GRID2: variants seen among roughly 807,000 people sequenced by gnomAD.
The protein encoded by GRID2 is glutamate ionotropic receptor delta type subunit 2.
GRID2 carries 33 observed loss-of-function variants against 114.8 expected under a neutral mutation model. The ratio of observed to expected loss-of-function variants is 0.29; its 90% confidence interval spans 0.22 to 0.38. The LOEUF (loss-of-function observed/expected upper bound fraction) is 0.38. Ranked by LOEUF, GRID2 falls within the 10% of genes least tolerant of loss-of-function variation. The probability of loss-of-function intolerance (pLI) is 1.00; values close to 1 mark genes in which losing one functional copy is unlikely to be tolerated. For missense variants in GRID2, 1,184 were observed against 1,257.7 expected (o/e 0.94, Z 0.89); for synonymous variants, 505 against 449.9 (o/e 1.12, Z -1.55).
At chr4:92,508,930 T>C (rs1724108386) in intron 1 of GRID2, among the ~76,000 whole-genome samples, 1 of 151,728 alleles carries the variant, frequency 6.6e-6, no homozygotes, top group Non-Finnish European at 1.5e-5. Context: ...CCAGGATCCA[T>C]TTTGAAGATG....
intron 14 of GRID2, among the ~76,000 whole-genome samples, chr4:93,713,040 AAG>A (rs1173701330): frequency 6.6e-6 from 1 of 151,758 alleles, no homozygotes; most frequent in Non-Finnish European, 1.5e-5. Context: ...TCCTGAATAT[AAG>A]AGTTTTTTGT....
chr4:92,565,841 G>A (rs1378816877), intron 1 of GRID2, among the ~76,000 whole-genome samples: 1 of 151,994 alleles, frequency 6.6e-6, no homozygotes, highest in Admixed American at 6.6e-5. Flanking sequence ...GTATTGGTTT[G>A]TTATTGCTGT....
At position 93,023,604 on chromosome 4, in the gene GRID2, T is replaced by C. The variant is rs1037701347; in HGVS notation, c.245-61391T>C. Reference sequence around the variant, plus strand: ...GCAATACCTGAAATGAACTATAATATTTTACAGATTATAGTGAAGCTTAAA... The same window carrying C: ...GCAATACCTGAAATGAACTATAATACTTTACAGATTATAGTGAAGCTTAAA... On this transcript the variant is annotated intron_variant, in intron 2 of 15. Transcript: ENST00000282020. Among the ~76,000 whole-genome samples the C allele has an allele frequency of 1.5e-4, 23 of 152,044 alleles. No homozygotes were observed. The Middle Eastern group carries it at 0.014, about 90-fold the overall frequency.
intron 1 of GRID2, among the ~76,000 whole-genome samples, chr4:92,376,792 G>A (rs1729377153): frequency 6.6e-6 from 1 of 152,162 alleles, no homozygotes; most frequent in African/African-American, 2.4e-5. Flanking sequence ...GCCAACGCTT[G>A]GGGCTTGCAC....
chr4:93,249,501 C>G (rs1233252692), intron 8 of GRID2, among the ~76,000 whole-genome samples: 2 of 152,086 alleles, frequency 1.3e-5, no homozygotes, highest in East Asian at 3.9e-4. Context: ...TATTCCTATC[C>G]ATGAGCATGG....
At chr4:93,784,088 A>AAAAAAAAAC (rs1734541793) in intron 1 of GRID2, among the ~76,000 whole-genome samples, 1 of 150,100 alleles carries the variant, frequency 6.7e-6, no homozygotes, top group African/African-American at 2.4e-5. Flanking sequence ...AAAAAAAAAA[A>AAAAAAAAAC]AAAAAAAAAA....
intron 13 of GRID2, among the ~76,000 whole-genome samples, chr4:93,601,831 G>A (rs548721698): frequency 3.3e-5 from 5 of 152,020 alleles, no homozygotes; most frequent in African/African-American, 1.2e-4. Flanking sequence ...ATCCTTATTT[G>A]GAGTAACCAT....
chr4:92,411,655 G>GTGTGTGTGTATATA, intron 1 of GRID2, among the ~76,000 whole-genome samples: 1 of 84,724 alleles, frequency 1.2e-5, no homozygotes, highest in African/African-American at 5.9e-5. Flanking sequence ...GTGTGTGTGT[G>GTGTGTGTGTATATA]TATATATATA....
chr4:92,646,345 T>C (rs138647400), intron 2 of GRID2, among the ~76,000 whole-genome samples: 1 of 152,226 alleles, frequency 6.6e-6, no homozygotes, highest in African/African-American at 2.4e-5. Flanking sequence ...CTAGATACAA[T>C]TTCTTGTTCA....
chr4:93,714,740 T>C (rs1728766121), intron 14 of GRID2, among the ~76,000 whole-genome samples: 1 of 152,228 alleles, frequency 6.6e-6, no homozygotes, highest in Non-Finnish European at 1.5e-5. Context: ...TTTTGAAAAG[T>C]GTCTGTCATG....
At chr4:93,427,490 A>G (rs971939357) in intron 10 of GRID2, among the ~76,000 whole-genome samples, 1 of 152,058 alleles carries the variant, frequency 6.6e-6, no homozygotes, top group Non-Finnish European at 1.5e-5. Context: ...ACCAAACTTA[A>G]AAGAATGTTT....
chr4:92,311,100 C>T (rs1468150433), intron 1 of GRID2, among the ~76,000 whole-genome samples: 12 of 151,990 alleles, frequency 7.9e-5, no homozygotes, highest in African/African-American at 2.9e-4. Flanking sequence ...CCTACAGCAT[C>T]ACTCCTATAG....
At chr4:93,228,206 CACA>C (rs1745722545) in intron 7 of GRID2, among the ~76,000 whole-genome samples, 1 of 152,068 alleles carries the variant, frequency 6.6e-6, no homozygotes, top group Non-Finnish European at 1.5e-5. Context: ...ATTTATTTGG[CACA>C]CAGTTCTGGA....
At chr4:93,554,870 A>G (rs1734150668) in intron 13 of GRID2, among the ~76,000 whole-genome samples, 1 of 152,204 alleles carries the variant, frequency 6.6e-6, no homozygotes, top group Non-Finnish European at 1.5e-5. Context: ...AAATCAATGC[A>G]GAAGGCGGGT....
At chr4:92,663,753 A>G (rs1732634558) in intron 2 of GRID2, among the ~76,000 whole-genome samples, 1 of 151,000 alleles carries the variant, frequency 6.6e-6, no homozygotes, top group African/African-American at 2.4e-5. Context: ...AACTCTTTTC[A>G]TCTTGGAAAA....
chr4:92,452,916 T>C (rs1426291952), intron 1 of GRID2, among the ~76,000 whole-genome samples: 1 of 143,316 alleles, frequency 7.0e-6, no homozygotes, highest in African/African-American at 2.5e-5. Flanking sequence ...TATGTTTCTA[T>C]ATATGATACA....
intron 1 of GRID2, among the ~76,000 whole-genome samples, chr4:92,519,617 A>G (rs189590374): frequency 6.9e-4 from 104 of 150,364 alleles, no homozygotes; most frequent in African/African-American, 2.4e-3. Flanking sequence ...ATATATATGT[A>G]TGTATATATA....
chr4:93,678,367 A>C (rs188924303), intron 14 of GRID2, among the ~76,000 whole-genome samples: 1 of 152,222 alleles, frequency 6.6e-6, no homozygotes, highest in Admixed American at 6.5e-5. Context: ...GATATTATCC[A>C]GGACAACTTC....
At chr4:92,583,632 A>C (rs1483652699) in intron 1 of GRID2, among the ~76,000 whole-genome samples, 1 of 150,660 alleles carries the variant, frequency 6.6e-6, no homozygotes, top group East Asian at 1.9e-4. Context: ...CAACTTAATT[A>C]ATATTTCCTG....
Sources: allele counts gnomAD v4.1 joint callset (sites outside exome capture counted in the v4.1 genomes callset), GRCh38; gene constraint gnomAD v4.1.1; transcripts MANE v1.5; gene names NCBI Gene and HGNC (gene_info 2026-07-23, HGNC 2026-07-21).